The following LRMDA variants were observed in gnomAD, a reference collection of about 807,000 sequenced individuals.
LRMDA encodes leucine rich melanocyte differentiation associated, also known as leucine-rich melanocyte differentiation-associated protein.
Under a neutral mutation model 29.8 loss-of-function variants are expected in LRMDA, and 18 were observed. The observed-to-expected ratio is 0.60, with a 90% CI of 0.42 to 0.90. The LOEUF (loss-of-function observed/expected upper bound fraction) is 0.90. Among genes scored for constraint, LRMDA ranks in the 40% least tolerant of loss-of-function variants. LRMDA has a pLI of 0.00. For missense variants in LRMDA, 273 were observed against 273.9 expected (o/e 1.00, Z 0.02); for synonymous variants, 125 against 109.4 (o/e 1.14, Z -0.89).
chr10:76,388,460 A>G (rs574970009), intron 6 of LRMDA, among the ~76,000 whole-genome samples: 2 of 152,340 alleles, frequency 1.3e-5, no homozygotes, highest in South Asian at 2.1e-4. Flanking sequence ...TGTTTGGGCT[A>G]GGAGGACCCA....
intron 5 of LRMDA, among the ~76,000 whole-genome samples, chr10:76,123,587 A>G (rs559383243): frequency 4.6e-5 from 7 of 152,242 alleles, no homozygotes; most frequent in African/African-American, 1.7e-4. Context: ...ACAAATGGAA[A>G]CCATTGATAC....
intron 2 of LRMDA, among the ~76,000 whole-genome samples, chr10:75,761,049 T>G (rs978835826): frequency 1.3e-5 from 2 of 152,238 alleles, no homozygotes; most frequent in Admixed American, 6.5e-5. Context: ...CAAAGATACT[T>G]AAGAATTAAG....
At chr10:75,486,077 G>A (rs532711967) in intron 2 of LRMDA, among the ~76,000 whole-genome samples, 1 of 152,184 alleles carries the variant, frequency 6.6e-6, no homozygotes, top group South Asian at 2.1e-4. Flanking sequence ...AATACACAGT[G>A]TTTGCATTTT....
At chr10:75,651,648 A>G (rs1195809738) in intron 2 of LRMDA, among the ~76,000 whole-genome samples, 4 of 152,162 alleles carry the variant, frequency 2.6e-5, no homozygotes, top group Non-Finnish European at 4.4e-5. Flanking sequence ...TTTCCAAGTT[A>G]TCTGTCAGTT....
chr10:75,484,130 A>G (rs187446840), intron 2 of LRMDA, among the ~76,000 whole-genome samples: 1 of 151,916 alleles, frequency 6.6e-6, no homozygotes, highest in Non-Finnish European at 1.5e-5. Flanking sequence ...TAATTTTTGT[A>G]TTTTTTGTAG....
intron 2 of LRMDA, among the ~76,000 whole-genome samples, chr10:75,912,479 A>T (rs1467660512): frequency 6.6e-6 from 1 of 152,184 alleles, no homozygotes; most frequent in African/African-American, 2.4e-5. Context: ...TTAGGAAGTT[A>T]TGGAAAGGAA....
At chr10:75,466,160 G>C (rs1446830043) in intron 2 of LRMDA, among the ~76,000 whole-genome samples, 1 of 152,224 alleles carries the variant, frequency 6.6e-6, no homozygotes, top group African/African-American at 2.4e-5. Context: ...TCCCAGGCGA[G>C]AACCATAAGC....
chr10:75,833,729 C>A (rs1844385585), intron 2 of LRMDA, among the ~76,000 whole-genome samples: 1 of 152,142 alleles, frequency 6.6e-6, no homozygotes, highest in South Asian at 2.1e-4. Flanking sequence ...ATAATCCATT[C>A]TTGGTGAAAA....
intron 2 of LRMDA, among the ~76,000 whole-genome samples, chr10:75,868,228 G>A (rs905997022): frequency 4.6e-5 from 7 of 152,174 alleles, no homozygotes; most frequent in Admixed American, 2.6e-4. Context: ...CAAGGAGACA[G>A]AGTGGATGGG....
At position 76,496,466 on chromosome 10, in the gene LRMDA, T is replaced by G. The variant is rs1421770064; in HGVS notation, c.602-60743T>G. 2.4e-4 allele frequency among the ~76,000 whole-genome samples: 18 copies of G among 75,740 alleles called. 6 individuals carry two copies. The highest frequency in any genetic ancestry group is 5.8e-4 in the African/African-American group (18 of 31,164). 49.7% of individuals were successfully genotyped at this position (75,740 alleles called of 152,430 possible). On this transcript the variant is annotated intron_variant, in intron 6 of 6. Coordinates refer to ENST00000611255, the MANE Select transcript of LRMDA (RefSeq NM_001305581.2). ...GTTTTCCCTCTATTAGGACACACTG[T>G]CCTACGTTGCTCTATATCCAATGTC... is the stretch of plus-strand genomic sequence containing the variant.
At chr10:76,207,589 G>T (rs1480294083) in intron 5 of LRMDA, among the ~76,000 whole-genome samples, 3 of 152,184 alleles carry the variant, frequency 2.0e-5, no homozygotes, top group Admixed American at 2.0e-4. Flanking sequence ...TTCCTGTTTA[G>T]TGGAAGCCCT....
intron 5 of LRMDA, among the ~76,000 whole-genome samples, chr10:76,153,505 G>T (rs1850484350): frequency 1.3e-5 from 2 of 152,070 alleles, no homozygotes; most frequent in Admixed American, 1.3e-4. Context: ...TGTGAGGTAG[G>T]GTGGGTCCAA....
At chr10:76,194,552 C>T (rs1851301496) in intron 5 of LRMDA, among the ~76,000 whole-genome samples, 1 of 152,168 alleles carries the variant, frequency 6.6e-6, no homozygotes, top group Non-Finnish European at 1.5e-5. Context: ...ATACTTGTGG[C>T]ACACATGGGA....
In LRMDA at chr10:76,129,235, C is replaced by T. The variant is rs148812973; in HGVS notation, c.516+70452C>T. Among the ~76,000 whole-genome samples, 125 of 152,286 alleles carry T rather than the reference C, an allele frequency of 8.2e-4. 1 individual carries two copies. In the Middle Eastern group the frequency reaches 0.024, roughly 29 times the overall value. On this transcript the variant is annotated intron_variant, in intron 5 of 6. Transcript: ENST00000611255. ...TCACTCATCTGTGGGCTGATACCCC[C>T]TTCACTTTGCTCAAGCTCCCAGCTT...
At chr10:76,314,227 A>G (rs568123984) in intron 5 of LRMDA, among the ~76,000 whole-genome samples, 1 of 152,280 alleles carries the variant, frequency 6.6e-6, no homozygotes, top group South Asian at 2.1e-4. Context: ...GCTACGACAC[A>G]ACATCCTTTT....
intron 2 of LRMDA, among the ~76,000 whole-genome samples, chr10:75,549,913 T>A (rs764671753): frequency 3.3e-5 from 5 of 152,212 alleles, no homozygotes; most frequent in African/African-American, 2.4e-5. Context: ...TTTGTGTGCC[T>A]AGTTTCTTTC....
At chr10:75,544,177 G>T (rs1564796723) in intron 2 of LRMDA, among the ~76,000 whole-genome samples, 1 of 152,152 alleles carries the variant, frequency 6.6e-6, no homozygotes, top group Non-Finnish European at 1.5e-5. Context: ...GTGAACCTAC[G>T]AGAAAAGATA....
chr10:75,865,144 A>G (rs941599296), intron 2 of LRMDA, among the ~76,000 whole-genome samples: 4 of 152,218 alleles, frequency 2.6e-5, no homozygotes, highest in African/African-American at 9.6e-5. Context: ...TCAAAATTGA[A>G]TCTCAAAAAC....
At chr10:76,537,480 G>T (rs1276843963) in intron 6 of LRMDA, among the ~76,000 whole-genome samples, 2 of 152,080 alleles carry the variant, frequency 1.3e-5, no homozygotes, top group Non-Finnish European at 2.9e-5. Context: ...GGTGCCAATG[G>T]GGTTGTACTT....
Sources: gnomAD v4.1 joint callset for allele counts (sites outside exome capture counted in the v4.1 genomes callset) on GRCh38, gnomAD v4.1.1 for gene constraint, MANE v1.5 for transcripts, NCBI Gene and HGNC (gene_info 2026-07-23, HGNC 2026-07-21) for gene names.